Variants in SUGCT observed in about 807,000 individuals in gnomAD.
SUGCT encodes the protein succinyl-CoA:glutarate CoA-transferase.
A neutral mutation model predicts 55.0 loss-of-function variants in SUGCT; 41 were observed. The observed-to-expected ratio is 0.74, with a 90% CI of 0.58 to 0.97. The LOEUF is 0.97. SUGCT is among the 50% of genes least tolerant of loss of function. SUGCT has a pLI of 0.00. For synonymous variants in SUGCT, 187 were observed against 200.4 expected (o/e 0.93, Z 0.56); for missense variants, 568 against 547.8 (o/e 1.04, Z -0.37).
intron 12 of SUGCT, among the ~76,000 whole-genome samples, chr7:40,732,538 A>G (rs1786948678): frequency 6.6e-6 from 1 of 152,142 alleles, no homozygotes; most frequent in Non-Finnish European, 1.5e-5. Context: ...ATAGGGTTCA[A>G]CTTCAAGGAA....
chr7:40,277,381 G>T (rs1193127254), intron 8 of SUGCT, among the ~76,000 whole-genome samples: 1 of 151,630 alleles, frequency 6.6e-6, no homozygotes, highest in Non-Finnish European at 1.5e-5. Flanking sequence ...GTAGAGACGG[G>T]GTTTTGCCAT....
intron 12 of SUGCT, among the ~76,000 whole-genome samples, chr7:40,593,389 A>T (rs984085036): frequency 2.0e-5 from 3 of 152,336 alleles, no homozygotes; most frequent in Non-Finnish European, 4.4e-5. Flanking sequence ...TAGGGGCAGT[A>T]GATGGATTTT....
At chr7:40,263,670 G>A (rs986490529) in intron 7 of SUGCT, among the ~76,000 whole-genome samples, 2 of 152,132 alleles carry the variant, frequency 1.3e-5, no homozygotes, top group Non-Finnish European at 2.9e-5. Context: ...ATGTTTGGAA[G>A]GGCAGAACAT....
At chr7:40,520,796 A>G (rs1793489092) in intron 12 of SUGCT, among the ~76,000 whole-genome samples, 1 of 152,144 alleles carries the variant, frequency 6.6e-6, no homozygotes. Flanking sequence ...CAGCACATCC[A>G]TGTGCCTCTG....
chr7:40,195,881 T>C (rs1447468094), intron 6 of SUGCT, among the ~76,000 whole-genome samples: 1 of 151,750 alleles, frequency 6.6e-6, no homozygotes, highest in East Asian at 1.9e-4. Flanking sequence ...GCCTGGCTGA[T>C]TTTTGTATTT....
chr7:40,140,513 G>T (rs764133750), intron 1 of SUGCT, among the ~76,000 whole-genome samples: 5 of 152,138 alleles, frequency 3.3e-5, no homozygotes, highest in Non-Finnish European at 7.3e-5. Context: ...CGATTGTCCT[G>T]CCTCAGACTC....
intron 12 of SUGCT, among the ~76,000 whole-genome samples, chr7:40,603,303 A>C (rs994609028): frequency 4.6e-5 from 7 of 152,204 alleles, no homozygotes; most frequent in Non-Finnish European, 1.0e-4. Flanking sequence ...ATGATAGCGA[A>C]AGTGCTTTCT....
intron 13 of SUGCT, among the ~76,000 whole-genome samples, chr7:40,779,853 G>A (rs1188265416): frequency 1.3e-5 from 2 of 152,082 alleles, no homozygotes; most frequent in African/African-American, 4.8e-5. Flanking sequence ...TAGTGGCTTG[G>A]GGATAGACGA....
intron 12 of SUGCT, among the ~76,000 whole-genome samples, chr7:40,741,271 C>CA (rs1040145038): frequency 0.024 from 3,035 of 127,694 alleles, 101 homozygotes; most frequent in African/African-American, 0.081. Context: ...GACTCTGTCT[C>CA]AAAAAAAAAA....
intron 8 of SUGCT, among the ~76,000 whole-genome samples, chr7:40,287,616 C>T (rs1263291103): frequency 6.6e-6 from 1 of 151,986 alleles, no homozygotes; most frequent in Non-Finnish European, 1.5e-5. Flanking sequence ...CCCACCTCAG[C>T]CCCCTGAGTG....
chr7:40,624,024 A>G (rs115156761), intron 12 of SUGCT, among the ~76,000 whole-genome samples: 3,084 of 152,306 alleles, frequency 0.02, 90 homozygotes, highest in African/African-American at 0.071. Flanking sequence ...TAGTAAATCA[A>G]TCAAATGGAC....
rs565826515 is a variant in SUGCT at position 40,738,544 on chromosome 7, G to A, written c.1090-10890G>A. Among the ~76,000 whole-genome samples the A allele has an allele frequency of 3.9e-5, 6 of 152,314 alleles. No individual in the cohort carries two copies. In the East Asian group the frequency reaches 9.6e-4, roughly 24 times the overall value. On this transcript the variant is annotated intron_variant, in intron 12 of 13. Transcript: ENST00000335693. The stretch of plus-strand genomic sequence containing the variant: ...ACATACAAACCAAAATGAAGCCAGT[G>A]TAGCTTTAGTAATGTTAGATGCTAC...
chr7:40,983,607 G>T, the SUGCT span, among the ~76,000 whole-genome samples: 1 of 152,152 alleles, frequency 6.6e-6, no homozygotes, highest in Non-Finnish European at 1.5e-5. Flanking sequence ...TTTAAACTCA[G>T]AGGAGACAGA....
intron 12 of SUGCT, among the ~76,000 whole-genome samples, chr7:40,577,920 A>G (rs1796855831): frequency 6.6e-6 from 1 of 152,222 alleles, no homozygotes; most frequent in African/African-American, 2.4e-5. Context: ...TACATTCATA[A>G]AATCAAGACT....
At chr7:40,467,204 GAAA>G (rs762283927) in intron 11 of SUGCT, among the ~76,000 whole-genome samples, 13 of 83,622 alleles carry the variant, frequency 1.6e-4, no homozygotes, top group African/African-American at 3.4e-4. Context: ...CTAAGAAAAA[GAAA>G]AAAAAAAAAA....
At position 40,182,189 on chromosome 7, in the gene SUGCT, A is replaced by G. The variant is rs568649766; in HGVS notation, c.226+161A>G. Among the ~76,000 whole-genome samples, 5 of 152,372 alleles carry G rather than the reference A, an allele frequency of 3.3e-5. No individual in the cohort carries two copies. In the South Asian group the frequency reaches 1.0e-3, roughly 32 times the overall value. On this transcript the variant is annotated intron_variant, in intron 3 of 13. Coordinates refer to ENST00000335693, the MANE Select transcript of SUGCT (RefSeq NM_001193313.2). ...TCCATTTCTTGTTTTCCTGTGAACT[A>G]ACACTAATGATATCTTTTTCACTCC...
chr7:40,486,308 T>A (rs1791344522), intron 11 of SUGCT, among the ~76,000 whole-genome samples: 2 of 152,238 alleles, frequency 1.3e-5, no homozygotes, highest in African/African-American at 4.8e-5. Flanking sequence ...TTTTGTGATG[T>A]CAGTTGTAAT....
intron 9 of SUGCT, among the ~76,000 whole-genome samples, chr7:40,334,043 G>A (rs1796521480): frequency 6.6e-6 from 1 of 151,926 alleles, no homozygotes. Context: ...GAGAATGATG[G>A]TTTCCAGCTT....
At chr7:40,499,105 G>A (rs1266566168) in intron 12 of SUGCT, 2 of 456,568 alleles carry the variant, frequency 4.4e-6, no homozygotes, top group African/African-American at 2.0e-5. Context: ...ATGTGGGAAC[G>A]CACCACTGGC....
Sources: allele counts gnomAD v4.1 joint callset (sites outside exome capture counted in the v4.1 genomes callset), GRCh38; gene constraint gnomAD v4.1.1; transcripts MANE v1.5; gene names NCBI Gene and HGNC (gene_info 2026-07-23, HGNC 2026-07-21).